SKA3: variants seen among roughly 807,000 people sequenced by gnomAD.
The protein encoded by SKA3 is spindle and kinetochore-associated protein 3.
A neutral mutation model predicts 44.2 loss-of-function variants in SKA3; 39 were observed. That is an observed-to-expected ratio of 0.88 (90% CI 0.68 to 1.15). The LOEUF is 1.15. SKA3 is among the 50% of genes most tolerant of loss of function. SKA3 has a pLI of 0.00. For missense variants in SKA3, 511 were observed against 485.8 expected (o/e 1.05, Z -0.49); for synonymous variants, 192 against 172.0 (o/e 1.12, Z -0.91).
At chr13:21,163,557 C>T (rs939728911) in intron 4 of SKA3, among the ~76,000 whole-genome samples, 1 of 152,178 alleles carries the variant, frequency 6.6e-6, no homozygotes, top group African/African-American at 2.4e-5. Flanking sequence ...GTCTTATCAA[C>T]ACTGAATATA....
In SKA3 at chr13:21,154,009, A is replaced by G. The variant is rs949830926; in HGVS notation, c.*1141T>C. ...GACAAACTCAAGTTTTGTTTTGGTG[A>G]CAGTTTTCTGACAAGATTAATAGAG... On this transcript the variant is annotated 3_prime_UTR_variant, in exon 9 of 9. Transcript: ENST00000314759. The G allele has an allele frequency of 7.9e-5, 12 of 152,254 alleles. No individual in the cohort carries two copies. The highest frequency in any genetic ancestry group is 2.0e-4 in the Admixed American group (3 of 15,288). 9.4% of individuals were successfully genotyped at this position (152,254 alleles called of 1,614,324 possible). A position where few individuals can be genotyped will look rare whatever the true frequency, so the allele number is the denominator to read the frequency against.
In SKA3 at chr13:21,176,394, C is replaced by T. The variant is rs1871528691; in HGVS notation, c.84G>A (p.Ala28=). The T allele has an allele frequency of 6.3e-7, 1 of 1,576,074 alleles. No individual in the cohort carries two copies. Among genetic ancestry groups the T allele is most frequent in the Non-Finnish European group, 8.6e-7 (1 of 1,161,600 alleles). ...ACGCACCGCTTTCCTCTCCGTCCAG[C>T]GCTCGCTGCAGCCGGGCCGTCTCGC... ...LDCETARLQR[A]LDGEESDFED... is the part of the protein sequence containing the mutation. The change falls in exon 1 of 9, where the codon GCG becomes GCA. Residue 28 remains alanine (A), a synonymous_variant. Coordinates refer to ENST00000314759, the MANE Select transcript of SKA3 (RefSeq NM_145061.6).
At chr13:21,159,557 T>C (rs1276714722) in intron 6 of SKA3, among the ~76,000 whole-genome samples, 1 of 152,194 alleles carries the variant, frequency 6.6e-6, no homozygotes, top group African/African-American at 2.4e-5. Context: ...CCTGATCTTA[T>C]GGATATGCCT....
chr13:21,166,119 G>A (rs1870700068), intron 4 of SKA3, among the ~76,000 whole-genome samples: 2 of 151,692 alleles, frequency 1.3e-5, no homozygotes, highest in South Asian at 2.1e-4. Context: ...CTGGGTTCAA[G>A]CAATTCTCCT....
rs763005433 is a variant in SKA3 at position 21,168,157 on chromosome 13, G to T, written c.574C>A (p.Pro192Thr). 6.2e-7 allele frequency: 1 copy of T among 1,614,106 alleles called. No individual in the cohort carries two copies. Among genetic ancestry groups the T allele is most frequent in the East Asian group, 2.2e-5 (1 of 44,880 alleles). The change falls in exon 4 of 9, where the codon CCT becomes ACT. Residue 192 changes from proline to threonine, a missense_variant. Physicochemically the swap from Pro to Thr is conservative, Grantham distance 38. Transcript: ENST00000314759. ...YKEEPVIVTP[P>T]TKQSLVKVLK... Reference sequence around the variant, plus strand: ...ACTTTTACTAGTGATTGTTTGGTAGGTGGGGTTACAATTACGGGCTCTTCC... The same window carrying T: ...ACTTTTACTAGTGATTGTTTGGTAGTTGGGGTTACAATTACGGGCTCTTCC...
Position 21,155,023 on chromosome 13 carries a change from T to C in SKA3, c.*127A>G. On this transcript the variant is annotated 3_prime_UTR_variant, in exon 9 of 9. Coordinates refer to ENST00000314759, the MANE Select transcript of SKA3 (RefSeq NM_145061.6). ...GCATATTATGATGTTAATGTTCATG[T>C]TTGTCTTTAAAATGGGTCAACGTTT... 1 of 1,460,950 alleles carries C rather than the reference T, an allele frequency of 6.8e-7. No individual in the cohort carries two copies. The highest frequency in any genetic ancestry group is 9.4e-7 in the Non-Finnish European group (1 of 1,060,912). The allele number at this position is 1,460,950 out of a possible 1,614,324, so 90.5% of individuals were successfully genotyped here. A position where few individuals can be genotyped will look rare whatever the true frequency, so the allele number is the denominator to read the frequency against.
intron 4 of SKA3, among the ~76,000 whole-genome samples, chr13:21,164,768 C>T (rs892485879): frequency 3.3e-5 from 5 of 151,632 alleles, no homozygotes; most frequent in Admixed American, 6.6e-5. Context: ...TTTTTAGAGG[C>T]GGGATCTAGC....
chr13:21,174,304 G>A (rs1484885929), intron 1 of SKA3, among the ~76,000 whole-genome samples: 8 of 152,052 alleles, frequency 5.3e-5, no homozygotes, highest in Non-Finnish European at 1.0e-4. Context: ...GTTTATTGCC[G>A]CACTATTCAC....
At position 21,155,036 on chromosome 13, in the gene SKA3, T is replaced by C. The variant is rs1320952845; in HGVS notation, c.*114A>G. 6.6e-7 allele frequency: 1 copy of C among 1,513,914 alleles called. No homozygotes were observed. Among genetic ancestry groups the C allele is most frequent in the Non-Finnish European group, 9.0e-7 (1 of 1,107,142 alleles). The allele number at this position is 1,513,914 out of a possible 1,614,324, so 93.8% of individuals were successfully genotyped here. ...TTAATGTTCATGTTTGTCTTTAAAA[T>C]GGGTCAACGTTTAAAGGGGGACAGA... On this transcript the variant is annotated 3_prime_UTR_variant, in exon 9 of 9. Coordinates refer to ENST00000314759, the MANE Select transcript of SKA3 (RefSeq NM_145061.6).
In SKA3 at chr13:21,161,876, C is replaced by G. The variant is rs200597155; in HGVS notation, c.744-1G>C. The G allele has an allele frequency of 4.3e-5, 69 of 1,601,652 alleles. No individual in the cohort carries two copies. The highest frequency in any genetic ancestry group is 5.5e-5 in the Non-Finnish European group (65 of 1,172,480). ...GGATTCTGTATCTATGGCCTCCTCA[C>G]TGGTGTGATTCATAGGGAAATTACA... On this transcript the variant is annotated splice_acceptor_variant, in intron 4 of 8. Transcript: ENST00000314759. LOFTEE classifies it high-confidence loss of function.
intron 1 of SKA3, among the ~76,000 whole-genome samples, chr13:21,172,974 G>A (rs931383714): frequency 6.6e-6 from 1 of 152,148 alleles, no homozygotes; most frequent in Non-Finnish European, 1.5e-5. Context: ...TATGCAGTAG[G>A]TCATATCATC....
chr13:21,163,735 C>T (rs867849356), intron 4 of SKA3, among the ~76,000 whole-genome samples: 6 of 152,068 alleles, frequency 3.9e-5, no homozygotes, highest in Admixed American at 1.3e-4. Flanking sequence ...TAAAAGTGTT[C>T]ATATGCTTAT....
rs1869943560 is a variant in SKA3, at chr13:21,153,929, A to C, written c.*1221T>G. On this transcript the variant is annotated 3_prime_UTR_variant, in exon 9 of 9. Transcript: ENST00000314759. ...ACTAAGTATCTTAACATTTTATTTT[A>C]CATTATATTTAATAAAAATAATACT... The C allele has an allele frequency of 6.6e-6, 1 of 152,216 alleles. No homozygotes were observed. The highest frequency in any genetic ancestry group is 2.1e-4 in the South Asian group (1 of 4,832). The allele number at this position is 152,216 out of a possible 1,614,324, so 9.4% of individuals were successfully genotyped here. A position where few individuals can be genotyped will look rare whatever the true frequency, so the allele number is the denominator to read the frequency against.
At chr13:21,170,203 G>C (rs1289581923) in intron 3 of SKA3, among the ~76,000 whole-genome samples, 4 of 139,728 alleles carry the variant, frequency 2.9e-5, no homozygotes, top group African/African-American at 1.1e-4. Context: ...TTTTTGAGAT[G>C]GAGTCTTGCT....
chr13:21,155,780 G>A lies in SKA3; in HGVS notation c.1151C>T (p.Thr384Ile), dbSNP rs1279093148. The change falls in exon 8 of 9, where the codon ACT becomes ATT. Residue 384 changes from threonine to isoleucine, a missense_variant. By Grantham distance (89) the Thr-to-Ile change is moderately conservative (BLOSUM62 -1). Coordinates refer to ENST00000314759, the MANE Select transcript of SKA3 (RefSeq NM_145061.6). ...LLSKYNSNLA[T>I]PIAIKAVPPS... is the part of the protein sequence containing the mutation. The stretch of plus-strand genomic sequence containing the variant: ...TGGCACTGCTTTAATTGCTATTGGA[G>A]TAGCTAGGTTTGAGTTGTATTTTGA... The A allele has an allele frequency of 2.5e-6, 4 of 1,599,174 alleles. No individual in the cohort carries two copies. Among genetic ancestry groups the A allele is most frequent in the Non-Finnish European group, 3.4e-6 (4 of 1,169,538 alleles).
chr13:21,163,826 C>T (rs1426669721), intron 4 of SKA3, among the ~76,000 whole-genome samples: 7 of 152,160 alleles, frequency 4.6e-5, no homozygotes, highest in Admixed American at 2.6e-4. Flanking sequence ...TGCAGTGGCA[C>T]GATCTCAGCT....
intron 1 of SKA3, 152 bp from the exon 2 acceptor site, chr13:21,172,833 TAC>T (rs1305296569): frequency 3.0e-6 from 1 of 338,980 alleles, no homozygotes; most frequent in African/African-American, 2.4e-5. Flanking sequence ...CCATATTTTT[TAC>T]CGTACCTTTT....
intron 4 of SKA3, among the ~76,000 whole-genome samples, chr13:21,166,025 CTTTT>C (rs1157915283): frequency 6.8e-6 from 1 of 146,224 alleles, no homozygotes; most frequent in Non-Finnish European, 1.5e-5. Context: ...TATCTGATAA[CTTTT>C]TTTTTTTTGG....
intron 3 of SKA3, 83 bp downstream of exon 3, chr13:21,172,256 T>C (rs954288131): frequency 1.8e-4 from 136 of 772,026 alleles, no homozygotes; most frequent in African/African-American, 1.8e-4. Context: ...CTAAAAACCA[T>C]AGCCAAGGCT....
Sources: gnomAD v4.1 joint callset for allele counts (sites outside exome capture counted in the v4.1 genomes callset) on GRCh38, gnomAD v4.1.1 for gene constraint, MANE v1.5 for transcripts, NCBI Gene and HGNC (gene_info 2026-07-23, HGNC 2026-07-21) for gene names.